The following COLEC12 variants were observed in gnomAD, a reference collection of about 807,000 sequenced individuals.
The protein encoded by COLEC12 is collectin subfamily member 12.
Under a neutral mutation model 71.1 loss-of-function variants are expected in COLEC12, and 33 were observed. The ratio of observed to expected loss-of-function variants is 0.46; its 90% confidence interval spans 0.35 to 0.62. COLEC12 has a LOEUF of 0.62. Ranked by LOEUF, COLEC12 falls within the 20% of genes least tolerant of loss-of-function variation. The pLI is 0.00. For synonymous variants in COLEC12, 350 were observed against 353.0 expected (o/e 0.99, Z 0.10); for missense variants, 765 against 916.1 (o/e 0.84, Z 2.13).
chr18:348,904 A>G (rs1030004509), intron 3 of COLEC12, among the ~76,000 whole-genome samples: 3 of 152,178 alleles, frequency 2.0e-5, no homozygotes, highest in Non-Finnish European at 2.9e-5. Flanking sequence ...CTCACCTTGA[A>G]TTATACTCCC....
intron 2 of COLEC12, among the ~76,000 whole-genome samples, chr18:397,446 T>C (rs1236998599): frequency 6.6e-6 from 1 of 152,222 alleles, no homozygotes; most frequent in Non-Finnish European, 1.5e-5. Context: ...CAATTATAGA[T>C]GTAGATTTTT....
chr18:491,347 A>T (rs1262456765), intron 1 of COLEC12, among the ~76,000 whole-genome samples: 1 of 152,202 alleles, frequency 6.6e-6, no homozygotes, highest in East Asian at 1.9e-4. Flanking sequence ...ATTAATGGTA[A>T]TGTGTGGGCT....
chr18:325,031 A>C (rs1913803089), intron 8 of COLEC12, among the ~76,000 whole-genome samples: 1 of 151,968 alleles, frequency 6.6e-6, no homozygotes, highest in East Asian at 1.9e-4. Flanking sequence ...CTCTATAAAA[A>C]ATTTAAAATA....
At chr18:406,310 C>A (rs1270052414) in intron 2 of COLEC12, among the ~76,000 whole-genome samples, 1 of 151,954 alleles carries the variant, frequency 6.6e-6, no homozygotes, top group Non-Finnish European at 1.5e-5. Flanking sequence ...GAGATCGAGA[C>A]CATCCTGGCT....
intron 1 of COLEC12, among the ~76,000 whole-genome samples, chr18:490,333 A>G (rs987602098): frequency 6.6e-6 from 1 of 152,244 alleles, no homozygotes; most frequent in Non-Finnish European, 1.5e-5. Flanking sequence ...TTGTGAGCAA[A>G]AAACCAGCTG....
rs747464758 is a variant in COLEC12 at position 347,032 on chromosome 18, T to C, written c.590A>G (p.Tyr197Cys). ...GTTCATGATGACCACATTATGAGAA[T>C]ACATTTGGTTCTGCAGATTGCCCTG... ...VLQGNLQNQM[Y>C]SHNVVIMNLN... The change falls in exon 5 of 10, where the codon TAT (tyrosine) becomes TGT (cysteine). Residue 197 changes from tyrosine to cysteine, a missense_variant. By Grantham distance (194) the Tyr-to-Cys change is radical. Transcript: ENST00000400256. 6 of 1,614,210 alleles carry C rather than the reference T, an allele frequency of 3.7e-6. No homozygotes were observed. The highest frequency in any genetic ancestry group is 5.1e-6 in the Non-Finnish European group (6 of 1,180,036).
At chr18:323,894 T>A (rs1350645778) in intron 8 of COLEC12, among the ~76,000 whole-genome samples, 1 of 152,196 alleles carries the variant, frequency 6.6e-6, no homozygotes, top group Non-Finnish European at 1.5e-5. Context: ...ATAAAAAGGA[T>A]GTATCAACCA....
intron 2 of COLEC12, among the ~76,000 whole-genome samples, chr18:374,928 A>G (rs1036559725): frequency 6.6e-6 from 1 of 152,208 alleles, no homozygotes; most frequent in Admixed American, 6.5e-5. Context: ...AGGAGGCTGG[A>G]CACAGATACA....
At chr18:331,602 C>T (rs894749521) in intron 8 of COLEC12, 66 bp downstream of exon 8, 22 of 1,033,964 alleles carry the variant, frequency 2.1e-5, no homozygotes, top group East Asian at 1.7e-4. Flanking sequence ...TGTTGGGAGT[C>T]GGGCAAGAAG....
At chr18:359,759 T>C (rs972190194) in intron 2 of COLEC12, among the ~76,000 whole-genome samples, 3 of 152,212 alleles carry the variant, frequency 2.0e-5, no homozygotes, top group Admixed American at 1.3e-4. Flanking sequence ...GTCTTACTAA[T>C]AGCGTCCCCC....
chr18:406,826 G>T (rs917119481), intron 2 of COLEC12, among the ~76,000 whole-genome samples: 2 of 152,202 alleles, frequency 1.3e-5, no homozygotes, highest in Non-Finnish European at 1.5e-5. Context: ...CTCCTCACTC[G>T]GTGCTGGGCT....
intron 2 of COLEC12, among the ~76,000 whole-genome samples, chr18:387,567 A>G (rs963221539): frequency 1.3e-5 from 2 of 152,200 alleles, no homozygotes; most frequent in African/African-American, 2.4e-5. Context: ...GAAGGCGTCA[A>G]TGACATAGTG....
At chr18:411,062 A>AC (rs1915885290) in intron 2 of COLEC12, among the ~76,000 whole-genome samples, 1 of 152,118 alleles carries the variant, frequency 6.6e-6, no homozygotes, top group Non-Finnish European at 1.5e-5. Context: ...TATCAAAAGA[A>AC]CCACACGGAG....
intron 8 of COLEC12, among the ~76,000 whole-genome samples, chr18:322,562 T>C (rs996150040): frequency 5.3e-5 from 8 of 152,176 alleles, no homozygotes; most frequent in African/African-American, 1.9e-4. Context: ...CAGTTCTTGA[T>C]TACGTTTCCA....
intron 8 of COLEC12, among the ~76,000 whole-genome samples, chr18:326,629 G>A (rs768737428): frequency 3.9e-5 from 6 of 152,322 alleles, no homozygotes; most frequent in South Asian, 2.1e-4. Flanking sequence ...GATTACAGGC[G>A]TGAGCCACCA....
intron 2 of COLEC12, among the ~76,000 whole-genome samples, chr18:441,032 A>G (rs1296947139): frequency 6.6e-6 from 1 of 150,966 alleles, no homozygotes; most frequent in Admixed American, 6.6e-5. Context: ...GTGGATCACA[A>G]GGCCAGGAGA....
At chr18:490,378 T>C (rs916193104) in intron 1 of COLEC12, among the ~76,000 whole-genome samples, 1 of 152,228 alleles carries the variant, frequency 6.6e-6, no homozygotes, top group African/African-American at 2.4e-5. Context: ...GATGGTTTTT[T>C]AGGCATTAGC....
intron 2 of COLEC12, among the ~76,000 whole-genome samples, chr18:377,902 G>A (rs1915148172): frequency 6.6e-6 from 1 of 151,884 alleles, no homozygotes; most frequent in African/African-American, 2.4e-5. Flanking sequence ...GGGTGGCGGG[G>A]CGGGTTGGGG....
At position 341,348 on chromosome 18, in the gene COLEC12, C is replaced by T. The variant is rs544706953; in HGVS notation, c.1327+4947G>A. On this transcript the variant is annotated intron_variant, in intron 5 of 9. Coordinates refer to ENST00000400256, the MANE Select transcript of COLEC12 (RefSeq NM_130386.3). ...CCCCGCAAATGGGGAATGTCAATAA[C>T]TCCTCCCTTAAAGAGTTGTAACAAT... is the stretch of plus-strand genomic sequence containing the variant. 1.2e-3 allele frequency among the ~76,000 whole-genome samples: 183 copies of T among 152,342 alleles called. 2 individuals are homozygous for T. Among genetic ancestry groups the T allele is most frequent in the African/African-American group, 4.1e-3 (171 of 41,584 alleles).
Sources: gnomAD v4.1 joint callset for allele counts (sites outside exome capture counted in the v4.1 genomes callset) on GRCh38, gnomAD v4.1.1 for gene constraint, MANE v1.5 for transcripts, NCBI Gene and HGNC (gene_info 2026-07-23, HGNC 2026-07-21) for gene names.